The following RGS5 variants were observed in gnomAD, a reference collection of about 807,000 sequenced individuals.
The protein encoded by RGS5 is regulator of G-protein signalling 5.
A neutral mutation model predicts 18.9 loss-of-function variants in RGS5; 20 were observed. The observed-to-expected ratio is 1.06, with a 90% confidence interval of 0.74 to 1.54. The LOEUF (loss-of-function observed/expected upper bound fraction) is 1.54, where lower values mean the gene tolerates loss of function less well. Ranked by LOEUF, RGS5 falls within the 40% of genes most tolerant of loss-of-function variation. The probability of loss-of-function intolerance (pLI) is 0.00; values close to 1 mark genes in which losing one functional copy is unlikely to be tolerated. For synonymous variants in RGS5, 57 were observed against 76.2 expected, an observed-to-expected ratio of 0.75 and a Z score of 1.31; for missense variants, 201 against 211.8, an observed-to-expected ratio of 0.95 and a Z score of 0.32.
At chr1:163,295,755 T>C (rs1054857783) in intron 2 of RGS5, among the ~76,000 whole-genome samples, 5 of 152,230 alleles carry the variant, frequency 3.3e-5, no homozygotes, top group African/African-American at 1.2e-4. Flanking sequence ...TTTAAGCAAA[T>C]ATCCTGGCTT....
At chr1:163,220,324 G>A (rs1028324295), upstream of RGS5, among the ~76,000 whole-genome samples, 11 of 31,898 alleles carry the variant, frequency 3.4e-4, no homozygotes, top group Non-Finnish European at 1.0e-3. Flanking sequence ...AAATAATCAC[G>A]TTTTTCTCTC....
At chr1:163,274,254 ATTAGAGGG>A (rs531392182) in intron 2 of RGS5, among the ~76,000 whole-genome samples, 46 of 152,284 alleles carry the variant, frequency 3.0e-4, no homozygotes, top group Admixed American at 7.8e-4. Context: ...GAGACAAGAA[ATTAGAGGG>A]TTGGAACTTT....
chr1:163,214,507 T>G (rs923319735), intron 1 of RGS5, among the ~76,000 whole-genome samples: 3 of 152,086 alleles, frequency 2.0e-5, no homozygotes, highest in African/African-American at 7.2e-5. Flanking sequence ...AATCTCCCTC[T>G]ATCTCCTTCA....
At chr1:163,287,918 T>C (rs1382389303) in intron 2 of RGS5, among the ~76,000 whole-genome samples, 1 of 152,246 alleles carries the variant, frequency 6.6e-6, no homozygotes, top group African/African-American at 2.4e-5. Flanking sequence ...TACAATTTAG[T>C]TGTAATTTGC....
chr1:163,261,890 T>TA (rs890789871), intron 2 of RGS5, among the ~76,000 whole-genome samples: 1 of 151,540 alleles, frequency 6.6e-6, no homozygotes, highest in Admixed American at 6.6e-5. Context: ...TATTTTTTTT[T>TA]AAAATTATTT....
intron 2 of RGS5, among the ~76,000 whole-genome samples, chr1:163,246,383 A>G (rs1369992147): frequency 6.6e-6 from 1 of 151,882 alleles, no homozygotes; most frequent in Non-Finnish European, 1.5e-5. Flanking sequence ...AGCCTGGCCA[A>G]TATGGTGAAA....
chr1:163,152,156 A>C (rs778902826), intron 4 of RGS5, among the ~76,000 whole-genome samples: 4 of 152,176 alleles, frequency 2.6e-5, no homozygotes, highest in Non-Finnish European at 5.9e-5. Context: ...TTTTCAGATC[A>C]GAGATGTTCA....
chr1:163,173,636 T>C lies in RGS5; in HGVS notation c.45-5268A>G, dbSNP rs1658407007. ...GAATGTGTGAAGAACCAATTATATA[T>C]AAAATCTTATACTAGGTGTTTCAAG... is the stretch of plus-strand genomic sequence containing the variant. On this transcript the variant is annotated intron_variant, in intron 1 of 4. Coordinates refer to ENST00000313961, the MANE Select transcript of RGS5 (RefSeq NM_003617.4). 2.0e-5 allele frequency among the ~76,000 whole-genome samples: 3 copies of C among 152,354 alleles called. No homozygotes were observed. The South Asian group carries it at 6.2e-4, about 32-fold the overall frequency.
At chr1:163,246,510 G>C (rs1374882830) in intron 2 of RGS5, among the ~76,000 whole-genome samples, 1 of 152,062 alleles carries the variant, frequency 6.6e-6, no homozygotes, top group African/African-American at 2.4e-5. Context: ...GGTGGAGGTT[G>C]CAGTGAGCCT....
chr1:163,155,785 C>T (rs1011783808), intron 3 of RGS5, among the ~76,000 whole-genome samples: 5 of 152,178 alleles, frequency 3.3e-5, no homozygotes, highest in Non-Finnish European at 7.3e-5. Context: ...CCACATTCTT[C>T]CCTGCTGAGC....
chr1:163,158,976 C>A (rs1057187549), intron 3 of RGS5, among the ~76,000 whole-genome samples: 5 of 152,170 alleles, frequency 3.3e-5, no homozygotes, highest in African/African-American at 1.2e-4. Flanking sequence ...GGGACACATT[C>A]TCTTTCTCAG....
intron 2 of RGS5, among the ~76,000 whole-genome samples, chr1:163,243,250 A>G (rs763292988): frequency 6.6e-6 from 1 of 152,150 alleles, no homozygotes; most frequent in African/African-American, 2.4e-5. Flanking sequence ...GTGAGAACAC[A>G]CGGACACAGG....
chr1:163,255,704 A>T (rs1051810473), intron 2 of RGS5, among the ~76,000 whole-genome samples: 28 of 151,702 alleles, frequency 1.8e-4, no homozygotes, highest in African/African-American at 5.6e-4. Context: ...TTGATGCAAA[A>T]ATCCTCAGTA....
chr1:163,180,615 T>C (rs1194169227), intron 1 of RGS5, among the ~76,000 whole-genome samples: 1 of 146,306 alleles, frequency 6.8e-6, no homozygotes, highest in East Asian at 1.9e-4. Context: ...TTGCTACAGT[T>C]AGGATACAGA....
chr1:163,205,081 G>A (rs1557904653), upstream of RGS5, among the ~76,000 whole-genome samples: 3 of 152,146 alleles, frequency 2.0e-5, no homozygotes, highest in South Asian at 6.2e-4. Flanking sequence ...TTAAAACTTT[G>A]TAAGGATGGG....
intron 1 of RGS5, among the ~76,000 whole-genome samples, chr1:163,190,704 G>T (rs1659308628): frequency 1.3e-5 from 2 of 152,206 alleles, no homozygotes; most frequent in African/African-American, 4.8e-5. Flanking sequence ...TATCAAAGAA[G>T]ATAAAAACAG....
chr1:163,251,558 C>T (rs1571319460), intron 2 of RGS5, among the ~76,000 whole-genome samples: 1 of 152,106 alleles, frequency 6.6e-6, no homozygotes, highest in African/African-American at 2.4e-5. Context: ...TCGTTTCTAT[C>T]TTCACTTATC....
chr1:163,178,599 T>C (rs983113906), intron 1 of RGS5, among the ~76,000 whole-genome samples: 1 of 152,138 alleles, frequency 6.6e-6, no homozygotes, highest in Non-Finnish European at 1.5e-5. Context: ...CAAGGGGCTC[T>C]AGCTTCAAGA....
rs185704573 is a variant in RGS5, at chr1:163,163,275, C to G, written c.156-1299G>C. Among the ~76,000 whole-genome samples, 91 of 152,268 alleles carry G rather than the reference C, an allele frequency of 6.0e-4. No homozygotes were observed. In the East Asian group the frequency reaches 0.014, roughly 23 times the overall value. On this transcript the variant is annotated intron_variant, in intron 2 of 4. Transcript: ENST00000313961. ...TCCTGATTATATGATTTTTCATAAA[C>G]TTTCATGTGTTCACTCTTTGCAAGT...
Sources: gnomAD v4.1 joint callset for allele counts (sites outside exome capture counted in the v4.1 genomes callset) on GRCh38, gnomAD v4.1.1 for gene constraint, MANE v1.5 for transcripts, NCBI Gene and HGNC (gene_info 2026-07-23, HGNC 2026-07-21) for gene names.